SLX9: variants seen among roughly 807,000 people sequenced by gnomAD.
SLX9 encodes ribosome biogenesis protein SLX9 homolog.
SLX9 carries 19 observed loss-of-function variants against 20.8 expected under a neutral mutation model. That is an observed-to-expected ratio of 0.91 (90% CI 0.64 to 1.34). The LOEUF is 1.34. Ranked by LOEUF, SLX9 falls within the 40% of genes most tolerant of loss-of-function variation. The pLI is 0.00. For synonymous variants in SLX9, 113 were observed against 137.1 expected, an observed-to-expected ratio of 0.82 and a Z score of 1.23; for missense variants, 299 against 322.2, an observed-to-expected ratio of 0.93 and a Z score of 0.55.
chr21:44,948,285 GGTCGTGGAGCATCGGGCGGTCCGGGGAGC>G lies in SLX9; in HGVS notation c.283+4449_283+4477del, dbSNP rs1285560818. ...GAAGCATCGGGCGGTCCGGGGAGCTGGTCGTGGAGCATCGGGCGGTCCGGGGAGCTGGTCGTGGAGCATCGGGCGTCCGG... is the reference window on the plus strand; with the variant it reads ...GAAGCATCGGGCGGTCCGGGGAGCTGTGGTCGTGGAGCATCGGGCGTCCGG... On this transcript the variant is annotated intron_variant, in intron 2 of 5. Transcript: ENST00000291634. Among the ~76,000 whole-genome samples the G allele has an allele frequency of 5.1e-3, 760 of 149,634 alleles. 17 individuals are homozygous for G. Among genetic ancestry groups the G allele is most frequent in the Non-Finnish European group, 4.8e-3 (321 of 67,328 alleles).
chr21:44,975,642 G>A lies in SLX9; in HGVS notation c.570-1038G>A, dbSNP rs545690672. ...CGGCTCCTCAGTTGCCCCAGGTGGG[G>A]CCTTGTTGGGTCCTGGTAGCCCCAG... is the stretch of plus-strand genomic sequence containing the variant. On this transcript the variant is annotated intron_variant, in intron 5 of 5. Coordinates refer to ENST00000291634, the MANE Select transcript of SLX9 (RefSeq NM_058190.4). 9.8e-5 allele frequency among the ~76,000 whole-genome samples: 15 copies of A among 152,384 alleles called. No homozygotes were observed. In the South Asian group the frequency reaches 3.1e-3, roughly 32 times the overall value.
chr21:44,948,024 C>A (rs1482551766), intron 2 of SLX9, among the ~76,000 whole-genome samples: 1 of 152,014 alleles, frequency 6.6e-6, no homozygotes, highest in Non-Finnish European at 1.5e-5. Flanking sequence ...ACCTGCTGTG[C>A]GTGCTGTGTG....
At chr21:44,951,302 C>T (rs1346305648) in intron 2 of SLX9, among the ~76,000 whole-genome samples, 1 of 152,098 alleles carries the variant, frequency 6.6e-6, no homozygotes, top group Non-Finnish European at 1.5e-5. Flanking sequence ...TGCAGCATCG[C>T]GCAGGGAGGT....
upstream of SLX9, chr21:44,939,759 C>T (rs928394011): frequency 3.1e-5 from 17 of 540,054 alleles, no homozygotes; most frequent in Admixed American, 1.9e-4. Flanking sequence ...CGCGTCCTCT[C>T]CATCCCCGAC....
chr21:44,950,533 T>C (rs1466019875), intron 2 of SLX9, among the ~76,000 whole-genome samples: 1 of 152,228 alleles, frequency 6.6e-6, no homozygotes, highest in Non-Finnish European at 1.5e-5. Context: ...CCAGCCGGTA[T>C]GTTGGGAGCC....
chr21:44,955,475 G>A (rs571479150), intron 2 of SLX9, among the ~76,000 whole-genome samples: 13 of 152,314 alleles, frequency 8.5e-5, no homozygotes, highest in African/African-American at 2.4e-4. Flanking sequence ...GCCAACTACC[G>A]TTAAGTGACA....
rs189089092 is a variant in SLX9 at position 44,953,012 on chromosome 21, A to G, written c.284-7088A>G. 1.6e-4 allele frequency among the ~76,000 whole-genome samples: 25 copies of G among 152,012 alleles called. No homozygotes were observed. In the East Asian group the frequency reaches 4.9e-3, roughly 30 times the overall value. Reference sequence around the variant, plus strand: ...TATTCTGGGTGTGGCACTCATTCTGACTTGCAGGTGCCATCCTGAGACTAG... The same window carrying G: ...TATTCTGGGTGTGGCACTCATTCTGGCTTGCAGGTGCCATCCTGAGACTAG... On this transcript the variant is annotated intron_variant, in intron 2 of 5. Transcript: ENST00000291634.
intron 4 of SLX9, 78 bp downstream of exon 4, chr21:44,967,259 G>C (rs1239229676): frequency 1.3e-6 from 2 of 1,488,716 alleles, no homozygotes; most frequent in Non-Finnish European, 1.8e-6. Context: ...ATGAGTGGGA[G>C]CCACGGGCCA....
rs572430333 is a variant in SLX9 at position 44,960,628 on chromosome 21, C to A, written c.352+460C>A. ...GTGAAATCCTTCCAGGCCTTGCCCG[C>A]GGTGAAAACAGTGTCTGCGCATAGC... On this transcript the variant is annotated intron_variant, in intron 3 of 5. Coordinates refer to ENST00000291634, the MANE Select transcript of SLX9 (RefSeq NM_058190.4). Among the ~76,000 whole-genome samples, 36 of 152,382 alleles carry A rather than the reference C, an allele frequency of 2.4e-4. 1 individual carries two copies. The South Asian group carries it at 7.0e-3, about 30-fold the overall frequency.
At chr21:44,948,455 G>C (rs1171339427) in intron 2 of SLX9, among the ~76,000 whole-genome samples, 1 of 152,220 alleles carries the variant, frequency 6.6e-6, no homozygotes, top group Admixed American at 6.5e-5. Context: ...AGCACGCTTA[G>C]AATTGGATTT....
At chr21:44,968,734 CATTT>C (rs10605464) in intron 4 of SLX9, among the ~76,000 whole-genome samples, 11,201 of 149,762 alleles carry the variant, frequency 0.075, 1,474 homozygotes, top group African/African-American at 0.26. Context: ...CTTCCTCATT[CATTT>C]GTGTCATCTC....
chr21:44,942,633 A>G (rs1414913888), intron 1 of SLX9, among the ~76,000 whole-genome samples: 1 of 152,212 alleles, frequency 6.6e-6, no homozygotes, highest in Non-Finnish European at 1.5e-5. Context: ...AAACAGATTA[A>G]CAGGAGAAAA....
At chr21:44,976,042 C>T (rs1356735947) in intron 5 of SLX9, among the ~76,000 whole-genome samples, 2 of 152,264 alleles carry the variant, frequency 1.3e-5, no homozygotes, top group Non-Finnish European at 2.9e-5. Flanking sequence ...TGCGGCAGAG[C>T]CCGTCTGGGA....
chr21:44,941,049 C>T (rs2084537280), intron 1 of SLX9, among the ~76,000 whole-genome samples: 1 of 151,892 alleles, frequency 6.6e-6, no homozygotes, highest in Non-Finnish European at 1.5e-5. Context: ...TTTTTTGACT[C>T]CAGAATTTAT....
chr21:44,972,944 C>A, intron 4 of SLX9: 2 of 36,546 alleles, frequency 5.5e-5, no homozygotes, highest in East Asian at 6.2e-4. Flanking sequence ...AGCTTGGGGC[C>A]CGCGGTCACA....
chr21:44,974,339 T>C (rs1026041538), intron 5 of SLX9, among the ~76,000 whole-genome samples: 7 of 152,160 alleles, frequency 4.6e-5, no homozygotes, highest in African/African-American at 1.7e-4. Flanking sequence ...GCTGTCTGTT[T>C]TGTGAGTACA....
At chr21:44,967,998 C>T (rs1474362442) in intron 4 of SLX9, among the ~76,000 whole-genome samples, 1 of 151,708 alleles carries the variant, frequency 6.6e-6, no homozygotes, top group Admixed American at 6.5e-5. Flanking sequence ...CCCTCCCCCG[C>T]CCCCTGCTGA....
chr21:44,941,091 A>G (rs763064082), intron 1 of SLX9, among the ~76,000 whole-genome samples: 5 of 151,270 alleles, frequency 3.3e-5, no homozygotes, highest in Non-Finnish European at 7.4e-5. Flanking sequence ...GTTCCTCCTC[A>G]TTTTAAAAAA....
chr21:44,971,925 G>A (rs1197788454), intron 4 of SLX9, among the ~76,000 whole-genome samples: 2 of 152,226 alleles, frequency 1.3e-5, no homozygotes, highest in Non-Finnish European at 2.9e-5. Flanking sequence ...AGCGGGCAGA[G>A]GGGACGGGAG....
Sources: gnomAD v4.1 joint callset for allele counts (sites outside exome capture counted in the v4.1 genomes callset) on GRCh38, gnomAD v4.1.1 for gene constraint, MANE v1.5 for transcripts, NCBI Gene and HGNC (gene_info 2026-07-23, HGNC 2026-07-21) for gene names.